The following STEAP1B variants were observed in gnomAD, a reference collection of about 807,000 sequenced individuals.
STEAP1B encodes the protein STEAP family member 1B.
A neutral mutation model predicts 27.9 loss-of-function variants in STEAP1B; 13 were observed. The observed-to-expected ratio is 0.47, with a 90% CI of 0.30 to 0.74. The LOEUF is 0.74. Ranked by LOEUF, STEAP1B falls within the 30% of genes least tolerant of loss-of-function variation. The pLI is 0.06. For missense variants in STEAP1B, 250 were observed against 298.7 expected (o/e 0.84, Z 1.20); for synonymous variants, 86 against 107.1 (o/e 0.80, Z 1.22).
At chr7:22,466,527 C>T (rs1688027675) in intron 4 of STEAP1B, among the ~76,000 whole-genome samples, 1 of 152,056 alleles carries the variant, frequency 6.6e-6, no homozygotes, top group African/African-American at 2.4e-5. Context: ...ATTATGGACC[C>T]CAAAGGAAAC....
At chr7:22,435,992 A>G (rs558334229) in intron 4 of STEAP1B, among the ~76,000 whole-genome samples, 11 of 152,194 alleles carry the variant, frequency 7.2e-5, no homozygotes, top group African/African-American at 2.2e-4. Flanking sequence ...GCATGCCCGG[A>G]CTCTGGAGGT....
chr7:22,482,087 C>G (rs1437661208), intron 4 of STEAP1B, among the ~76,000 whole-genome samples: 5 of 152,138 alleles, frequency 3.3e-5, no homozygotes, highest in African/African-American at 1.2e-4. Context: ...CCTCAGATTC[C>G]CAGAGTCCTG....
intron 4 of STEAP1B, among the ~76,000 whole-genome samples, chr7:22,462,976 T>C (rs1219200705): frequency 1.3e-5 from 2 of 152,026 alleles, no homozygotes. Flanking sequence ...ATTTCTCTGA[T>C]GGCCAGTGAT....
Position 22,493,577 on chromosome 7 carries a change from T to C in STEAP1B, c.344A>G (p.Asn115Ser), listed in dbSNP as rs1786381562. The C allele has an allele frequency of 6.2e-7, 1 of 1,613,944 alleles. No homozygotes were observed. Residue 115 changes from asparagine (N) to serine (S), a missense_variant, in exon 3 of 5, where the codon AAC (asparagine) becomes AGC (serine). Asn to Ser is a conservative substitution (Grantham distance 46, BLOSUM62 1). Transcript: ENST00000678116. ...YFYKIPILVI[N>S]KVLPMVSITL... ...GATGGAAACCATTGGCAAGACTTTGTTGATGACCAGGATTGGAATTTTATA... is the reference window on the plus strand; with the variant it reads ...GATGGAAACCATTGGCAAGACTTTGCTGATGACCAGGATTGGAATTTTATA...
intron 4 of STEAP1B, among the ~76,000 whole-genome samples, chr7:22,434,047 A>G (rs1244557160): frequency 1.3e-5 from 2 of 152,190 alleles, no homozygotes. Context: ...AGCTGTTCTA[A>G]CCACGTAAGA....
At chr7:22,453,277 G>A (rs1212122796) in intron 4 of STEAP1B, among the ~76,000 whole-genome samples, 1 of 152,224 alleles carries the variant, frequency 6.6e-6, no homozygotes, top group Non-Finnish European at 1.5e-5. Flanking sequence ...ATGATGTGCA[G>A]AAAGTACACT....
At chr7:22,480,113 T>C (rs1786043109) in intron 4 of STEAP1B, among the ~76,000 whole-genome samples, 1 of 152,190 alleles carries the variant, frequency 6.6e-6, no homozygotes, top group Non-Finnish European at 1.5e-5. Flanking sequence ...GGTTATTGAA[T>C]GGACATCTAG....
intron 4 of STEAP1B, among the ~76,000 whole-genome samples, chr7:22,460,468 T>C (rs1785660118): frequency 6.6e-6 from 1 of 151,946 alleles, no homozygotes; most frequent in African/African-American, 2.4e-5. Flanking sequence ...ACAGCAGAGA[T>C]GGTTGACATG....
At chr7:22,429,247 T>C (rs982056887) in intron 4 of STEAP1B, among the ~76,000 whole-genome samples, 1 of 152,074 alleles carries the variant, frequency 6.6e-6, no homozygotes, top group Non-Finnish European at 1.5e-5. Context: ...AGAGACAAAG[T>C]TTGTAAGAGC....
At chr7:22,431,126 C>A (rs1785181879) in intron 4 of STEAP1B, among the ~76,000 whole-genome samples, 1 of 152,162 alleles carries the variant, frequency 6.6e-6, no homozygotes, top group African/African-American at 2.4e-5. Context: ...TCAAATTGAC[C>A]TACATAATAC....
intron 4 of STEAP1B, among the ~76,000 whole-genome samples, chr7:22,456,972 A>ATTTT (rs3064738): frequency 5.3e-5 from 3 of 57,034 alleles, no homozygotes; most frequent in East Asian, 1.3e-3. Flanking sequence ...ATATATATAT[A>ATTTT]TTTTTTTTTT....
intron 4 of STEAP1B, among the ~76,000 whole-genome samples, chr7:22,481,784 A>C (rs1336360927): frequency 6.6e-6 from 1 of 152,258 alleles, no homozygotes; most frequent in Non-Finnish European, 1.5e-5. Context: ...AGTCACGTAA[A>C]GCCAGAGGAT....
intron 4 of STEAP1B, among the ~76,000 whole-genome samples, chr7:22,448,121 A>G (rs1353821903): frequency 6.6e-6 from 1 of 152,194 alleles, no homozygotes; most frequent in Admixed American, 6.5e-5. Flanking sequence ...TTACTCTCAT[A>G]TCTCCTAAAA....
chr7:22,450,900 T>A (rs1428649017), intron 4 of STEAP1B, among the ~76,000 whole-genome samples: 3 of 152,154 alleles, frequency 2.0e-5, no homozygotes, highest in African/African-American at 7.2e-5. Flanking sequence ...ATTTTGTGAC[T>A]ACTGAAAATG....
intron 4 of STEAP1B, among the ~76,000 whole-genome samples, chr7:22,442,575 G>A (rs1216450001): frequency 1.3e-5 from 2 of 152,264 alleles, no homozygotes; most frequent in African/African-American, 4.8e-5. Flanking sequence ...GAGTGGCTGA[G>A]CTGTCAGCAG....
At chr7:22,442,927 G>A (rs2128402463) in intron 4 of STEAP1B, among the ~76,000 whole-genome samples, 1 of 152,236 alleles carries the variant, frequency 6.6e-6, no homozygotes, top group South Asian at 2.1e-4. Flanking sequence ...AACAACCATT[G>A]TCACACCAGG....
Position 22,419,662 on chromosome 7 carries a change from G to A in STEAP1B, c.*142C>T. 2.2e-6 allele frequency: 2 copies of A among 928,768 alleles called. No individual in the cohort carries two copies. The highest frequency in any genetic ancestry group is 2.1e-5 in the South Asian group (1 of 46,808). The allele number at this position is 928,768 out of a possible 1,614,324, so 57.5% of individuals were successfully genotyped here. ...CACTCATCTGCCCTGCCGGATCCAT[G>A]TTGACAGAGCAGCCGTCACCTGCAG... On this transcript the variant is annotated 3_prime_UTR_variant, in exon 5 of 5. Transcript: ENST00000678116.
chr7:22,424,824 T>C lies in STEAP1B; in HGVS notation c.763-4988A>G, dbSNP rs150115352. On this transcript the variant is annotated intron_variant, in intron 4 of 4. Coordinates refer to ENST00000678116, the MANE Select transcript of STEAP1B (RefSeq NM_001382447.1). ...AAAAATGTCTGTGAAGAGTTGATAA[T>C]AATATGGGAAAATACTTGAGTTATC... is the stretch of plus-strand genomic sequence containing the variant. Among the ~76,000 whole-genome samples, 1,118 of 149,654 alleles carry C rather than the reference T, an allele frequency of 7.5e-3. 19 individuals carry two copies. Among genetic ancestry groups the C allele is most frequent in the African/African-American group, 0.025 (1,018 of 40,628 alleles).
At chr7:22,421,510 C>T (rs1785042092) in intron 4 of STEAP1B, among the ~76,000 whole-genome samples, 3 of 152,228 alleles carry the variant, frequency 2.0e-5, no homozygotes, top group Admixed American at 2.0e-4. Context: ...TCTATACTGT[C>T]TGCAAGGCAG....
Sources: allele counts gnomAD v4.1 joint callset (sites outside exome capture counted in the v4.1 genomes callset), GRCh38; gene constraint gnomAD v4.1.1; transcripts MANE v1.5; gene names NCBI Gene and HGNC (gene_info 2026-07-23, HGNC 2026-07-21).